The following RYR1 variants were observed in gnomAD, a reference collection of about 807,000 sequenced individuals.
RYR1 encodes the protein ryanodine receptor 1, also known as central core disease of muscle.
RYR1 carries 342 observed loss-of-function variants against 583.5 expected under a neutral mutation model. The observed-to-expected ratio is 0.59, with a 90% CI of 0.54 to 0.64. The LOEUF is 0.64. Ranked by LOEUF, RYR1 falls within the 30% of genes least tolerant of loss-of-function variation. RYR1 has a pLI of 0.00. For synonymous variants in RYR1, 2,791 were observed against 2,822.5 expected, an observed-to-expected ratio of 0.99 and a Z score of 0.35; for missense variants, 6,032 against 6,917.2, an observed-to-expected ratio of 0.87 and a Z score of 4.54.
intron 8 of RYR1, 24 bp downstream of exon 8, chr19:38,446,589 C>T: frequency 6.2e-7 from 1 of 1,610,060 alleles, no homozygotes. Flanking sequence ...ACGAGAGGGC[C>T]TGGGGTCTAG....
At position 38,575,897 on chromosome 19, in the gene RYR1, CTT is replaced by C; in HGVS notation, c.14130-20_14130-19del. The stretch of plus-strand genomic sequence containing the variant: ...CTGGCCCTAACATCTTATACTCACG[CTT>C]TCTCTCTCTCTCTCTGCAGGTCTTT... On this transcript the variant is annotated intron_variant, in intron 96 of 105. Coordinates refer to ENST00000359596, the MANE Select transcript of RYR1 (RefSeq NM_000540.3). The C allele has an allele frequency of 6.2e-7, 1 of 1,611,492 alleles. No individual in the cohort carries two copies. The highest frequency in any genetic ancestry group is 8.5e-7 in the Non-Finnish European group (1 of 1,177,626).
At chr19:38,440,890 G>A (rs1441029014) in intron 2 of RYR1, 26 bp downstream of exon 2, 2 of 1,601,644 alleles carry the variant, frequency 1.2e-6, no homozygotes, top group Non-Finnish European at 8.5e-7. Flanking sequence ...AGAGGGGCCT[G>A]GGGACAGGGG....
intron 58 of RYR1, among the ~76,000 whole-genome samples, chr19:38,508,227 G>A (rs1970568373): frequency 6.6e-6 from 1 of 150,810 alleles, no homozygotes; most frequent in Non-Finnish European, 1.5e-5. Flanking sequence ...ATTTATTTTT[G>A]AGACAGAGTT....
rs1969448965 is a variant in RYR1 at position 38,489,360 on chromosome 19, G to A, written c.5731G>A (p.Glu1911Lys). Residue 1911 changes from glutamate to lysine, a missense_variant, in exon 35 of 106, where the codon GAG (glutamate) becomes AAG (lysine). Physicochemically the swap from Glu to Lys is moderately conservative, Grantham distance 56. This residue lies in a region of RYR1 where 2,627 missense variants were observed against 2,961.3 expected (regional missense o/e 0.89). Transcript: ENST00000359596. ...AAAGGAAGATGAGGAAAAAGAGGAA[G>A]AGGAGGCAGCAGAAGGGGAGAAAGA... Reference protein sequence around the residue: ...QEKEDEEKEEEEAAEGEKEEG... With the variant: ...QEKEDEEKEEKEAAEGEKEEG... 2.5e-6 allele frequency: 4 copies of A among 1,612,936 alleles called. No homozygotes were observed. Among genetic ancestry groups the A allele is most frequent in the African/African-American group, 2.7e-5 (2 of 74,892 alleles).
At chr19:38,586,466 AAAAAT>A (rs911988686) in intron 104 of RYR1, 54 bp from the exon 105 acceptor site, 3 of 1,541,348 alleles carry the variant, frequency 1.9e-6, no homozygotes, top group African/African-American at 1.4e-5. Context: ...ACTATAAATG[AAAAAT>A]AAAATAAGGT....
intron 66 of RYR1, among the ~76,000 whole-genome samples, chr19:38,518,686 T>G (rs1486369495): frequency 6.6e-6 from 1 of 152,050 alleles, no homozygotes; most frequent in Admixed American, 6.6e-5. Flanking sequence ...CCCAGCACTA[T>G]GGGAGGCCGA....
At chr19:38,553,951 G>T (rs1479807632) in intron 89 of RYR1, among the ~76,000 whole-genome samples, 1 of 152,126 alleles carries the variant, frequency 6.6e-6, no homozygotes, top group East Asian at 1.9e-4. Context: ...GTATATTATG[G>T]TTTATTTGCT....
intron 101 of RYR1, among the ~76,000 whole-genome samples, chr19:38,584,037 C>A (rs1387596488): frequency 6.6e-6 from 1 of 152,006 alleles, no homozygotes; most frequent in Non-Finnish European, 1.5e-5. Flanking sequence ...GGAACACTCT[C>A]CCACCACCCC....
chr19:38,452,883 A>C lies in RYR1; in HGVS notation c.1309A>C (p.Ile437Leu). 1 of 1,612,124 alleles carries C rather than the reference A, an allele frequency of 6.2e-7. No homozygotes were observed. Among genetic ancestry groups the C allele is most frequent in the African/African-American group, 1.3e-5 (1 of 75,026 alleles). ...GCCACCCGCTGGCACGGCGCTGCCC[A>C]TCGAGGGCGTTATCCTGAGCCTGCA... Reference protein sequence around the residue: ...SGPPAGTALPIEGVILSLQDL... With the variant: ...SGPPAGTALPLEGVILSLQDL... The change falls in exon 13 of 106, where the codon ATC becomes CTC. Residue 437 changes from isoleucine to leucine, a missense_variant. By Grantham distance (5) the Ile-to-Leu change is conservative. This residue lies in a region of RYR1 where 2,627 missense variants were observed against 2,961.3 expected (regional missense o/e 0.89). Coordinates refer to ENST00000359596, the MANE Select transcript of RYR1 (RefSeq NM_000540.3).
In RYR1 at chr19:38,477,817, G is replaced by A; in HGVS notation, c.4401G>A (p.Lys1467=). The change falls in exon 30 of 106, where the codon AAG becomes AAA. Residue 1467 remains lysine (K), a synonymous_variant. Transcript: ENST00000359596. ...HQHDMSFDLS[K]VRVVTVTMGD... is the part of the protein sequence containing the mutation. The stretch of plus-strand genomic sequence containing the variant: ...ACGACATGAGCTTCGACCTCAGCAA[G>A]GTCCGGGTCGTGACGGTGACCATGG... 6.2e-7 allele frequency: 1 copy of A among 1,614,012 alleles called. No homozygotes were observed. Among genetic ancestry groups the A allele is most frequent in the Non-Finnish European group, 8.5e-7 (1 of 1,179,990 alleles).
chr19:38,535,967 T>G, intron 81 of RYR1, 30 bp from the exon 82 acceptor site: 1 of 1,605,714 alleles, frequency 6.2e-7, no homozygotes, highest in Non-Finnish European at 8.5e-7. Context: ...CTTCATCACA[T>G]ACCCCCTATC....
At chr19:38,567,627 C>T in intron 92 of RYR1, 146 bp from the exon 93 acceptor site, 1 of 1,156,118 alleles carries the variant, frequency 8.6e-7, no homozygotes. Context: ...AAGGGCAAGT[C>T]CTGATTATCT....
At position 38,483,293 on chromosome 19, in the gene RYR1, A is replaced by T; in HGVS notation, c.4711A>T (p.Ile1571Phe). Residue 1571 changes from isoleucine to phenylalanine, a missense_variant, in exon 33 of 106, where the codon ATC becomes TTC. Physicochemically the swap from Ile to Phe is conservative, Grantham distance 21. Transcript: ENST00000359596. The surrounding 1 kb of genome is among the most constrained non-coding windows in gnomAD (Gnocchi z 6.3). Reference sequence around the variant, plus strand: ...ATGTGTGTCTCTCTGCCCTCAGAACATCATGCCGTTGTCAGCCGCCATGTT... The same window carrying T: ...ATGTGTGTCTCTCTGCCCTCAGAACTTCATGCCGTTGTCAGCCGCCATGTT... ...IQFELGKQKN[I>F]MPLSAAMFQS... 2 of 1,560,444 alleles carry T rather than the reference A, an allele frequency of 1.3e-6. No individual in the cohort carries two copies. The highest frequency in any genetic ancestry group is 1.7e-6 in the Non-Finnish European group (2 of 1,152,488).
chr19:38,490,687 C>T lies in RYR1; in HGVS notation c.6082C>T (p.Arg2028Ter), dbSNP rs773540275. ...EEDCPLPEEI[R>*]QDLLDFHQDL... ...AGACTGTCCTCTCCCTGAAGAGATTCGACAGGATTTGCTTGACTTTCATCA... is the reference window on the plus strand; with the variant it reads ...AGACTGTCCTCTCCCTGAAGAGATTTGACAGGATTTGCTTGACTTTCATCA... Residue 2028 changes from arginine (R) to a stop codon, truncating the protein, a stop_gained, in exon 37 of 106, where the codon CGA (arginine) becomes TGA (stop). Transcript: ENST00000359596. LOFTEE classifies it high-confidence loss of function. The T allele has an allele frequency of 4.3e-6, 7 of 1,613,978 alleles. No individual in the cohort carries two copies. In the South Asian group the frequency reaches 4.4e-5, roughly 10 times the overall value.
intron 76 of RYR1, among the ~76,000 whole-genome samples, chr19:38,531,361 A>G (rs747405298): frequency 4.6e-5 from 7 of 151,960 alleles, no homozygotes; most frequent in Non-Finnish European, 8.8e-5. Flanking sequence ...CCCCACCGAT[A>G]AAATAGGGCT....
At chr19:38,581,738 A>G (rs1020293173) in intron 101 of RYR1, among the ~76,000 whole-genome samples, 1 of 152,076 alleles carries the variant, frequency 6.6e-6, no homozygotes, top group Non-Finnish European at 1.5e-5. Context: ...AGCTGGGATT[A>G]CAGGCGCACA....
At chr19:38,507,226 A>G (rs1970503592) in intron 57 of RYR1, among the ~76,000 whole-genome samples, 1 of 148,074 alleles carries the variant, frequency 6.8e-6, no homozygotes, top group African/African-American at 2.5e-5. Context: ...GCGGGGCCAG[A>G]GAGTGGAGGA....
chr19:38,552,722 G>A (rs1001720949), intron 89 of RYR1, among the ~76,000 whole-genome samples: 1 of 152,134 alleles, frequency 6.6e-6, no homozygotes, highest in Non-Finnish European at 1.5e-5. Context: ...TGGTCTAATC[G>A]ATAGTCAGTG....
At chr19:38,458,316 C>G (rs1179295288) in intron 18 of RYR1, 24 bp downstream of exon 18, 1 of 1,608,008 alleles carries the variant, frequency 6.2e-7, no homozygotes. Context: ...TCCAGGGGAC[C>G]CTCACCCCTG....
Sources: gnomAD v4.1 joint callset for allele counts (sites outside exome capture counted in the v4.1 genomes callset) on GRCh38, gnomAD v4.1.1 for gene constraint, gnomAD v4.1.1 regional missense constraint, Gnocchi (gnomAD v3.1) non-coding constraint, MANE v1.5 for transcripts, NCBI Gene and HGNC (gene_info 2026-07-23, HGNC 2026-07-21) for gene names.